TRIM39: variants seen among roughly 807,000 people sequenced by gnomAD.
The protein encoded by TRIM39 is tripartite motif containing 39.
Under a neutral mutation model 53.6 loss-of-function variants are expected in TRIM39, and 5 were observed. The ratio of observed to expected loss-of-function variants is 0.09; its 90% CI spans 0.05 to 0.20. The LOEUF is 0.20. TRIM39 is among the 10% of genes least tolerant of loss of function. The probability of loss-of-function intolerance (pLI) is 1.00; values close to 1 mark genes in which losing one functional copy is unlikely to be tolerated. For synonymous variants in TRIM39, 196 were observed against 237.6 expected (o/e 0.82, Z 1.61); for missense variants, 310 against 621.0 (o/e 0.50, Z 5.32).
At chr6:30,341,835 T>C in exon 8 of TRIM39, 2 of 1,612,980 alleles carry the variant, frequency 1.2e-6, no homozygotes, top group South Asian at 2.2e-5. Context: ...CGTTTCACCT[T>C]CTACCCTTGC....
intron 5 of TRIM39, among the ~76,000 whole-genome samples, chr6:30,337,386 CAA>C (rs1171466445): frequency 6.6e-6 from 1 of 151,862 alleles, no homozygotes; most frequent in Non-Finnish European, 1.5e-5. Context: ...GCCTGGGTGA[CAA>C]GAGTGAAACT....
At chr6:30,331,866 T>G (rs1786222619) in intron 4 of TRIM39, among the ~76,000 whole-genome samples, 1 of 152,212 alleles carries the variant, frequency 6.6e-6, no homozygotes, top group South Asian at 2.1e-4. Flanking sequence ...CATTGAACAG[T>G]GAACAATTAT....
intron 4 of TRIM39, among the ~76,000 whole-genome samples, chr6:30,333,140 A>G (rs1390270824): frequency 6.6e-6 from 1 of 152,202 alleles, no homozygotes; most frequent in Non-Finnish European, 1.5e-5. Context: ...ATGTGTGCCA[A>G]TATGATTGAA....
chr6:30,334,348 A>G (rs1043825106), intron 4 of TRIM39, among the ~76,000 whole-genome samples: 2 of 152,206 alleles, frequency 1.3e-5, no homozygotes, highest in African/African-American at 4.8e-5. Context: ...GGAGATGCAG[A>G]AGAGAGGATG....
chr6:30,333,894 C>T (rs995816553), intron 4 of TRIM39, among the ~76,000 whole-genome samples: 4 of 152,108 alleles, frequency 2.6e-5, no homozygotes, highest in East Asian at 1.9e-4. Flanking sequence ...AAAAGATTAC[C>T]GGTTTATAAG....
rs1447313896 is a variant in TRIM39 at position 30,335,919 on chromosome 6, C to T, written c.724C>T (p.His242Tyr). The T allele has an allele frequency of 6.2e-7, 1 of 1,612,734 alleles. No individual in the cohort carries two copies. The highest frequency in any genetic ancestry group is 2.2e-5 in the East Asian group (1 of 44,872). Residue 242 changes from histidine (H) to tyrosine (Y), a missense_variant, in exon 5 of 8, where the codon CAC (histidine) becomes TAC (tyrosine). Around this residue, in one of 5 missense-constraint regions of TRIM39, gnomAD observed 161 missense variants for 210.0 expected, o/e 0.77. Transcript: ENST00000396551. This position sits in a 1 kb window ranked among gnomAD's most constrained non-coding sequence, Gnocchi z 4.7. ...TGGGGACAAGCGCCGGGACCTGGCC[C>T]ACTTGGCTGCCGAGGTGGAGGGCAA...
chr6:30,340,063 C>G, intron 6 of TRIM39, 133 bp downstream of exon 6: 1 of 1,401,960 alleles, frequency 7.1e-7, no homozygotes, highest in Non-Finnish European at 9.9e-7. Flanking sequence ...GGAGAATGTT[C>G]ATTGTGCCCA....
chr6:30,329,196 C>T, intron 2 of TRIM39, 115 bp from the exon 3 acceptor site: 1 of 1,215,546 alleles, frequency 8.2e-7, no homozygotes, highest in Non-Finnish European at 1.1e-6. Flanking sequence ...AGGGGCAAAT[C>T]TGGAGTTAGG....
At position 30,342,373 on chromosome 6, in the gene TRIM39, T is replaced by C; in HGVS notation, c.*114T>C. The C allele has an allele frequency of 8.9e-7, 1 of 1,123,106 alleles. No individual in the cohort carries two copies. The highest frequency in any genetic ancestry group is 1.6e-5 in the African/African-American group (1 of 64,188). 69.6% of individuals were successfully genotyped at this position (1,123,106 alleles called of 1,614,324 possible). On this transcript the variant is annotated 3_prime_UTR_variant, in exon 8 of 8. Transcript: ENST00000396551. This position sits in a 1 kb window ranked among gnomAD's most constrained non-coding sequence, Gnocchi z 4.7. ...ACCTGGGTCCAGTCCTGAATCATCTTGGAGAAACACCTTGGTTTCTAGGAT... is the reference window on the plus strand; with the variant it reads ...ACCTGGGTCCAGTCCTGAATCATCTCGGAGAAACACCTTGGTTTCTAGGAT...
At chr6:30,341,925 G>T in exon 8 of TRIM39, 1 of 1,613,092 alleles carries the variant, frequency 6.2e-7, no homozygotes. Context: ...TGGGCAGTGG[G>T]TGTATGCCGG....
Position 30,335,878 on chromosome 6 carries a change from A to G in TRIM39, c.683A>G (p.Glu228Gly). ...CAGGACATTCTGCAGCGACTCCGAG[A>G]AAATGCTGCTCACCTTGGGGACAAG... is the stretch of plus-strand genomic sequence containing the variant. Residue 228 changes from glutamate (E) to glycine (G), a missense_variant, in exon 5 of 8, where the codon GAA becomes GGA. Around this residue, in one of 5 missense-constraint regions of TRIM39, gnomAD observed 161 missense variants for 210.0 expected, o/e 0.77. Coordinates refer to ENST00000396551, the Ensembl canonical transcript of TRIM39. This position sits in a 1 kb window ranked among gnomAD's most constrained non-coding sequence, Gnocchi z 4.7. The G allele has an allele frequency of 6.2e-7, 1 of 1,613,014 alleles. No homozygotes were observed. Among genetic ancestry groups the G allele is most frequent in the Non-Finnish European group, 8.5e-7 (1 of 1,180,024 alleles).
At position 30,329,190 on chromosome 6, in the gene TRIM39, G is replaced by A. The variant is rs866931294; in HGVS notation, c.-7-121G>A. The A allele has an allele frequency of 4.4e-5, 51 of 1,161,578 alleles. No individual in the cohort carries two copies. The African/African-American group carries it at 5.4e-4, about 12-fold the overall frequency. 72.0% of individuals were successfully genotyped at this position (1,161,578 alleles called of 1,614,324 possible). A position where few individuals can be genotyped will look rare whatever the true frequency, so the allele number is the denominator to read the frequency against. The stretch of plus-strand genomic sequence containing the variant: ...AGAAGATGGAGAATAACAAGAAGGG[G>A]CAAATCTGGAGTTAGGACTTAACAT... On this transcript the variant is annotated intron_variant, in intron 2 of 7. Coordinates refer to ENST00000396551, the Ensembl canonical transcript of TRIM39.
At chr6:30,329,813 G>T in intron 3 of TRIM39, 43 bp downstream of exon 3, 2 of 1,586,282 alleles carry the variant, frequency 1.3e-6, no homozygotes, top group Non-Finnish European at 1.7e-6. Context: ...TAAAAAGGGA[G>T]AAGCGGCAGA....
At chr6:30,329,252 A>G in intron 2 of TRIM39, 59 bp from the exon 3 acceptor site, 3 of 1,524,558 alleles carry the variant, frequency 2.0e-6, no homozygotes, top group Non-Finnish European at 2.6e-6. Context: ...AAAAAAAAAA[A>G]AAAGAAAAAA....
At chr6:30,327,923 C>T (rs1413161086) in intron 1 of TRIM39, among the ~76,000 whole-genome samples, 1 of 152,198 alleles carries the variant, frequency 6.6e-6, no homozygotes, top group African/African-American at 2.4e-5. Context: ...CATTACATGG[C>T]CACTTATCTC....
intron 4 of TRIM39, among the ~76,000 whole-genome samples, chr6:30,331,297 A>AAAAAAAAAAAAAG (rs1562406038): frequency 6.7e-6 from 1 of 150,100 alleles, no homozygotes; most frequent in Non-Finnish European, 1.5e-5. Flanking sequence ...AACAAAAAAA[A>AAAAAAAAAAAAAG]AAAGAACAAT....
chr6:30,337,604 T>G (rs1787024284), intron 5 of TRIM39, among the ~76,000 whole-genome samples: 2 of 152,198 alleles, frequency 1.3e-5, no homozygotes, highest in African/African-American at 4.8e-5. Context: ...ACAGGTGTAC[T>G]GTCATGTAGG....
chr6:30,334,207 C>G (rs17188526), intron 4 of TRIM39, among the ~76,000 whole-genome samples: 4,239 of 152,294 alleles, frequency 0.028, 94 homozygotes, highest in African/African-American at 0.06. Context: ...CACTCTCTCT[C>G]CACCCTCAAG....
At position 30,327,930 on chromosome 6, in the gene TRIM39, T is replaced by C. The variant is rs116281378; in HGVS notation, c.-161+935T>C. On this transcript the variant is annotated intron_variant, in intron 1 of 7. Transcript: ENST00000396551. The stretch of plus-strand genomic sequence containing the variant: ...ACCTACCTCATTACATGGCCACTTA[T>C]CTCTCAGCACATAGATCTACCAAAT... Among the ~76,000 whole-genome samples the C allele has an allele frequency of 2.7e-3, 412 of 152,354 alleles. 1 individual carries two copies. Among genetic ancestry groups the C allele is most frequent in the African/African-American group, 9.7e-3 (402 of 41,588 alleles).
Sources: gnomAD v4.1 joint callset for allele counts (sites outside exome capture counted in the v4.1 genomes callset) on GRCh38, gnomAD v4.1.1 for gene constraint, gnomAD v4.1.1 regional missense constraint, Gnocchi (gnomAD v3.1) non-coding constraint, MANE v1.5 for transcripts, NCBI Gene and HGNC (gene_info 2026-07-23, HGNC 2026-07-21) for gene names.